The following MAGI3 variants were observed in gnomAD, a reference collection of about 807,000 sequenced individuals.
MAGI3 encodes membrane associated guanylate kinase, WW and PDZ domain containing 3, also known as membrane-associated guanylate kinase, WW and PDZ domain-containing protein 3.
Under a neutral mutation model 121.8 loss-of-function variants are expected in MAGI3, and 43 were observed. The ratio of observed to expected loss-of-function variants is 0.35; its 90% CI spans 0.28 to 0.46. The LOEUF (loss-of-function observed/expected upper bound fraction) is 0.46, where lower values mean the gene tolerates loss of function less well. Among genes scored for constraint, MAGI3 ranks in the 20% least tolerant of loss-of-function variants. The probability of loss-of-function intolerance (pLI) is 1.00; values close to 1 mark genes in which losing one functional copy is unlikely to be tolerated. For synonymous variants in MAGI3, 553 were observed against 639.3 expected (o/e 0.86, Z 2.04); for missense variants, 1,547 against 1,797.3 (o/e 0.86, Z 2.52).
At chr1:113,668,129 A>C (rs1647274545) in intron 16 of MAGI3, among the ~76,000 whole-genome samples, 1 of 152,226 alleles carries the variant, frequency 6.6e-6, no homozygotes, top group African/African-American at 2.4e-5. Context: ...AAATTTTGGA[A>C]GAATTACCAA....
At chr1:113,515,844 G>T (rs187330676) in intron 1 of MAGI3, among the ~76,000 whole-genome samples, 2 of 152,224 alleles carry the variant, frequency 1.3e-5, no homozygotes, top group Admixed American at 1.3e-4. Context: ...CCGTGGTACT[G>T]ATTATTGAAA....
At chr1:113,399,384 C>T (rs571083515) in intron 1 of MAGI3, among the ~76,000 whole-genome samples, 3 of 152,098 alleles carry the variant, frequency 2.0e-5, no homozygotes, top group Non-Finnish European at 4.4e-5. Flanking sequence ...AACCCCAAGA[C>T]GTAAGGGAGG....
At chr1:113,649,372 G>A (rs1743594) in intron 13 of MAGI3, 44 bp downstream of exon 13, 452,007 of 1,377,814 alleles carry the variant, frequency 0.33, 78,629 homozygotes, top group African/African-American at 0.61. Context: ...CTGTTCAAAC[G>A]TTTTGAGTGG....
rs1319025487 is a variant in MAGI3 at position 113,429,535 on chromosome 1, A to G, written c.316+38186A>G. The stretch of plus-strand genomic sequence containing the variant: ...TATGTAAATGAAGTAGTGGCCCACA[A>G]TCAGTCTGATTGCTTGTGAAGGTGA... On this transcript the variant is annotated intron_variant, in intron 1 of 20. Coordinates refer to ENST00000307546, the MANE Select transcript of MAGI3 (RefSeq NM_001142782.2). Among the ~76,000 whole-genome samples, 7 of 152,210 alleles carry G rather than the reference A, an allele frequency of 4.6e-5. 1 individual carries two copies. The highest frequency in any genetic ancestry group is 4.6e-4 in the Admixed American group (7 of 15,286).
chr1:113,668,643 C>T (rs1460514786), intron 16 of MAGI3, among the ~76,000 whole-genome samples: 9 of 130,540 alleles, frequency 6.9e-5, no homozygotes, highest in Admixed American at 2.6e-4. Context: ...ACTGCAGTGG[C>T]GCAATCTCGG....
At chr1:113,470,691 A>G (rs1288367813) in intron 1 of MAGI3, among the ~76,000 whole-genome samples, 1 of 152,028 alleles carries the variant, frequency 6.6e-6, no homozygotes, top group African/African-American at 2.4e-5. Flanking sequence ...ACATCTCCCC[A>G]TTTCCTCATC....
At chr1:113,542,629 C>CTT (rs1659343549) in intron 1 of MAGI3, among the ~76,000 whole-genome samples, 1 of 152,176 alleles carries the variant, frequency 6.6e-6, no homozygotes, top group African/African-American at 2.4e-5. Flanking sequence ...CTCCTCAGAA[C>CTT]TCAGAAATGA....
intron 16 of MAGI3, among the ~76,000 whole-genome samples, chr1:113,665,631 C>T (rs1230137039): frequency 6.6e-6 from 1 of 152,062 alleles, no homozygotes; most frequent in Admixed American, 6.6e-5. Context: ...AATATCTTTA[C>T]ATATTAAGTC....
At chr1:113,492,555 A>G (rs376473180) in intron 1 of MAGI3, among the ~76,000 whole-genome samples, 2 of 152,158 alleles carry the variant, frequency 1.3e-5, no homozygotes, top group African/African-American at 4.8e-5. Flanking sequence ...GGTCAGGGCA[A>G]TGAGGCAAGA....
intron 20 of MAGI3, chr1:113,682,336 TTTTG>T: frequency 6.4e-7 from 1 of 1,565,680 alleles, no homozygotes. Flanking sequence ...CACTTTCTTC[TTTTG>T]TTTTCTTTTA....
intron 16 of MAGI3, among the ~76,000 whole-genome samples, chr1:113,670,136 G>A (rs1466813106): frequency 6.6e-6 from 1 of 151,978 alleles, no homozygotes; most frequent in East Asian, 1.9e-4. Context: ...GCATCTCCAG[G>A]TCTAGTACAC....
chr1:113,407,179 A>G (rs1463294658), intron 1 of MAGI3, among the ~76,000 whole-genome samples: 2 of 152,164 alleles, frequency 1.3e-5, no homozygotes, highest in Non-Finnish European at 2.9e-5. Flanking sequence ...ATGTATGTCA[A>G]AAAGTCATTG....
rs143631602 is a variant in MAGI3, at chr1:113,629,763, C to CTCTCTCTCCCT, written c.1360+6769_1360+6770insTCTCTCTCCCT. Among the ~76,000 whole-genome samples the CTCTCTCTCCCT allele has an allele frequency of 4.4e-3, 197 of 45,136 alleles. 2 individuals carry two copies. The highest frequency in any genetic ancestry group is 8.1e-3 in the Admixed American group (36 of 4,460). 29.6% of individuals were successfully genotyped at this position (45,136 alleles called of 152,430 possible). A position where few individuals can be genotyped will look rare whatever the true frequency, so the allele number is the denominator to read the frequency against. ...CTCTCTCTCTCTCTCTCTCTCTCTC[C>CTCTCTCTCCCT]CTCCCTCCCTCCCTCCCTCCCTCAC... is the stretch of plus-strand genomic sequence containing the variant. On this transcript the variant is annotated intron_variant, in intron 9 of 20. Transcript: ENST00000307546.
At chr1:113,483,440 TTC>T (rs1373838564) in intron 1 of MAGI3, among the ~76,000 whole-genome samples, 1 of 152,118 alleles carries the variant, frequency 6.6e-6, no homozygotes, top group Non-Finnish European at 1.5e-5. Context: ...AGAGTTTGAT[TTC>T]TCTCTCTGTC....
intron 1 of MAGI3, among the ~76,000 whole-genome samples, chr1:113,514,220 T>G (rs1320427166): frequency 6.6e-6 from 1 of 152,140 alleles, no homozygotes; most frequent in Non-Finnish European, 1.5e-5. Flanking sequence ...AGTGTGGCGG[T>G]TCCTCAGGGA....
chr1:113,464,072 C>T (rs1364762782), intron 1 of MAGI3, among the ~76,000 whole-genome samples: 1 of 152,106 alleles, frequency 6.6e-6, no homozygotes, highest in Non-Finnish European at 1.5e-5. Context: ...ACTCACCCTA[C>T]TGATCTATCA....
intron 1 of MAGI3, among the ~76,000 whole-genome samples, chr1:113,524,724 A>G (rs1335938859): frequency 1.3e-5 from 2 of 152,122 alleles, no homozygotes; most frequent in East Asian, 3.9e-4. Context: ...GAGACATTTG[A>G]CTGAACTTTT....
At chr1:113,535,466 CTTTT>C (rs879614937) in intron 1 of MAGI3, among the ~76,000 whole-genome samples, 3 of 151,824 alleles carry the variant, frequency 2.0e-5, no homozygotes, top group African/African-American at 7.3e-5. Flanking sequence ...GCACCTTCCT[CTTTT>C]TTTTAACTCA....
chr1:113,450,241 A>C, intron 1 of MAGI3: 2 of 1,601,266 alleles, frequency 1.2e-6, no homozygotes, highest in Non-Finnish European at 1.7e-6. Flanking sequence ...GGCCCTTTCT[A>C]AACAAGAGAT....
Sources: allele counts gnomAD v4.1 joint callset (sites outside exome capture counted in the v4.1 genomes callset), GRCh38; gene constraint gnomAD v4.1.1; transcripts MANE v1.5; gene names NCBI Gene and HGNC (gene_info 2026-07-23, HGNC 2026-07-21).